Variants in EFCAB11 observed in about 807,000 individuals in gnomAD.
EFCAB11 encodes the protein EF-hand calcium-binding domain-containing protein 11.
EFCAB11 carries 14 observed loss-of-function variants against 23.0 expected under a neutral mutation model. That is an observed-to-expected ratio of 0.61 (90% CI 0.40 to 0.95). The LOEUF is 0.95. Ranked by LOEUF, EFCAB11 falls within the 40% of genes least tolerant of loss-of-function variation. EFCAB11 has a pLI of 0.00. For synonymous variants in EFCAB11, 65 were observed against 66.6 expected (o/e 0.98, Z 0.11); for missense variants, 198 against 195.8 (o/e 1.01, Z -0.07).
At chr14:89,854,570 C>G (rs529598058) in intron 5 of EFCAB11, among the ~76,000 whole-genome samples, 1 of 152,288 alleles carries the variant, frequency 6.6e-6, no homozygotes, top group East Asian at 1.9e-4. Flanking sequence ...TCCCAGATGT[C>G]CCCAGACAGT....
chr14:89,814,310 T>C (rs1886254019), intron 5 of EFCAB11, among the ~76,000 whole-genome samples: 1 of 152,162 alleles, frequency 6.6e-6, no homozygotes, highest in African/African-American at 2.4e-5. Context: ...TCTGGTCCGC[T>C]GGGACAAAGG....
intron 5 of EFCAB11, among the ~76,000 whole-genome samples, chr14:89,928,734 T>C (rs1890276147): frequency 7.1e-6 from 1 of 141,296 alleles, no homozygotes; most frequent in South Asian, 2.3e-4. Flanking sequence ...TTCTGTTGTA[T>C]ATAACTGATT....
chr14:89,891,811 C>G (rs1888975209), intron 5 of EFCAB11, among the ~76,000 whole-genome samples: 1 of 152,016 alleles, frequency 6.6e-6, no homozygotes, highest in South Asian at 2.1e-4. Flanking sequence ...CCGAGGGCTG[C>G]CGCTACCAAT....
intron 3 of EFCAB11, among the ~76,000 whole-genome samples, chr14:89,938,515 G>A (rs1890671579): frequency 6.6e-6 from 1 of 152,164 alleles, no homozygotes; most frequent in Non-Finnish European, 1.5e-5. Flanking sequence ...AATGAATTCA[G>A]AGGATAATAT....
In EFCAB11 at chr14:89,945,399, C is replaced by T. The variant is rs117572544; in HGVS notation, c.217+4698G>A. Among the ~76,000 whole-genome samples, 358 of 152,260 alleles carry T rather than the reference C, an allele frequency of 2.4e-3. 1 individual carries two copies. The highest frequency in any genetic ancestry group is 9.3e-3 in the South Asian group (45 of 4,820). ...TTTCCAAGTATTGCTTTCAATCCAT[C>T]CTACAAAATTTGAAATGTGGTCTTT... On this transcript the variant is annotated intron_variant, in intron 3 of 5. Coordinates refer to ENST00000316738, the MANE Select transcript of EFCAB11 (RefSeq NM_145231.4).
intron 5 of EFCAB11, among the ~76,000 whole-genome samples, chr14:89,825,615 T>A (rs1886664700): frequency 6.6e-6 from 1 of 152,008 alleles, no homozygotes; most frequent in Non-Finnish European, 1.5e-5. Flanking sequence ...AACCCACAAA[T>A]CACCTATATC....
intron 5 of EFCAB11, among the ~76,000 whole-genome samples, chr14:89,915,974 A>T (rs1327348036): frequency 6.6e-6 from 1 of 152,190 alleles, no homozygotes; most frequent in African/African-American, 2.4e-5. Flanking sequence ...TATGCTATCT[A>T]GCCATCCTTC....
intron 5 of EFCAB11, among the ~76,000 whole-genome samples, chr14:89,867,149 GT>G (rs1413126537): frequency 2.9e-4 from 44 of 152,288 alleles, no homozygotes; most frequent in African/African-American, 9.9e-4. Flanking sequence ...CAGGAACCAG[GT>G]CTCCTGCCTC....
intron 5 of EFCAB11, among the ~76,000 whole-genome samples, chr14:89,883,583 G>C (rs1027771103): frequency 6.6e-6 from 1 of 152,018 alleles, no homozygotes; most frequent in Non-Finnish European, 1.5e-5. Context: ...AGGAAATAAT[G>C]ACAAAGAAAA....
chr14:89,888,452 G>T (rs1888860766), intron 5 of EFCAB11, among the ~76,000 whole-genome samples: 1 of 152,256 alleles, frequency 6.6e-6, no homozygotes, highest in Non-Finnish European at 1.5e-5. Context: ...AATCATGGCA[G>T]AAGGTAAAGC....
At chr14:89,928,814 CAT>C (rs1214657070) in intron 5 of EFCAB11, among the ~76,000 whole-genome samples, 2 of 146,382 alleles carry the variant, frequency 1.4e-5, no homozygotes, top group East Asian at 3.9e-4. Context: ...TTATAGATTA[CAT>C]ATATAATTAA....
intron 3 of EFCAB11, among the ~76,000 whole-genome samples, chr14:89,938,924 A>G (rs1344692963): frequency 6.6e-6 from 1 of 150,820 alleles, no homozygotes; most frequent in Non-Finnish European, 1.5e-5. Flanking sequence ...GGGCAACAAG[A>G]GCAAAACTCC....
At chr14:89,834,521 G>C (rs1436255476) in intron 5 of EFCAB11, among the ~76,000 whole-genome samples, 1 of 152,118 alleles carries the variant, frequency 6.6e-6, no homozygotes, top group South Asian at 2.1e-4. Context: ...GGAGTGCAAG[G>C]AATTAGAAGG....
intron 5 of EFCAB11, among the ~76,000 whole-genome samples, chr14:89,896,492 G>A (rs1424316451): frequency 6.6e-6 from 1 of 152,086 alleles, no homozygotes; most frequent in African/African-American, 2.4e-5. Context: ...AATATCATTT[G>A]GCATTATGAT....
Position 89,953,900 on chromosome 14 carries a change from C to T in EFCAB11, c.171+6G>A, listed in dbSNP as rs1472257196. 1 of 1,611,386 alleles carries T rather than the reference C, an allele frequency of 6.2e-7. No individual in the cohort carries two copies. Among genetic ancestry groups the T allele is most frequent in the African/African-American group, 1.3e-5 (1 of 74,888 alleles). On this transcript the variant is annotated splice_donor_region_variant and intron_variant, in intron 2 of 5. Transcript: ENST00000316738. ...CCCCATCCCCAAATATATAAGAAAG[C>T]TCTACCTTGGAGGGCTTGTACCCAA...
In EFCAB11 at chr14:89,892,316, AT is replaced by A. The variant is rs1888997472; in HGVS notation, c.410+39224del. 11 of 1,613,880 alleles carry A rather than the reference AT, an allele frequency of 6.8e-6. No individual in the cohort carries two copies. The South Asian group carries it at 1.2e-4, about 18-fold the overall frequency. On this transcript the variant is annotated intron_variant, in intron 5 of 5. Coordinates refer to ENST00000316738, the MANE Select transcript of EFCAB11 (RefSeq NM_145231.4). ...GGCCTTTGACGCCCTCACTGATGCTATCCAGCAGGCCCTGCAGCAGGGGGAC... is the reference window on the plus strand; with the variant it reads ...GGCCTTTGACGCCCTCACTGATGCTACCAGCAGGCCCTGCAGCAGGGGGAC...
chr14:89,946,733 CTT>C (rs536677296), intron 3 of EFCAB11, among the ~76,000 whole-genome samples: 40 of 131,238 alleles, frequency 3.0e-4, no homozygotes, highest in Admixed American at 4.6e-4. Context: ...TCATGCCTGG[CTT>C]TTTTTTTTTT....
At chr14:89,863,969 T>C (rs1888008021) in intron 5 of EFCAB11, among the ~76,000 whole-genome samples, 1 of 152,240 alleles carries the variant, frequency 6.6e-6, no homozygotes, top group Non-Finnish European at 1.5e-5. Context: ...CAAACTTTTC[T>C]TTAACCAATA....
At chr14:89,886,711 A>G (rs1210461786) in intron 5 of EFCAB11, among the ~76,000 whole-genome samples, 4 of 152,078 alleles carry the variant, frequency 2.6e-5, no homozygotes, top group Non-Finnish European at 4.4e-5. Context: ...ATACTTTTCT[A>G]TGTTTAAAAT....
Sources: gnomAD v4.1 joint callset for allele counts (sites outside exome capture counted in the v4.1 genomes callset) on GRCh38, gnomAD v4.1.1 for gene constraint, MANE v1.5 for transcripts, NCBI Gene and HGNC (gene_info 2026-07-23, HGNC 2026-07-21) for gene names.